Variants in PTPN11 observed in about 807,000 individuals in gnomAD.
PTPN11 encodes the protein protein tyrosine phosphatase non-receptor type 11.
Under a neutral mutation model 78.8 loss-of-function variants are expected in PTPN11, and 6 were observed. The ratio of observed to expected loss-of-function variants is 0.08; its 90% CI spans 0.04 to 0.15. The LOEUF is 0.15. PTPN11 is among the 10% of genes least tolerant of loss of function. The probability of loss-of-function intolerance (pLI) is 1.00; values close to 1 mark genes in which losing one functional copy is unlikely to be tolerated. For missense variants in PTPN11, 386 were observed against 744.8 expected, an observed-to-expected ratio of 0.52 and a Z score of 5.61; for synonymous variants, 221 against 263.5, an observed-to-expected ratio of 0.84 and a Z score of 1.56.
chr12:112,478,966 T>G (rs778474450), intron 9 of PTPN11, among the ~76,000 whole-genome samples: 12 of 152,178 alleles, frequency 7.9e-5, no homozygotes, highest in Non-Finnish European at 1.6e-4. Context: ...ACCCCTGAGC[T>G]TAGGTGATCC....
At chr12:112,420,705 C>T (rs1237208737) in intron 1 of PTPN11, among the ~76,000 whole-genome samples, 1 of 152,114 alleles carries the variant, frequency 6.6e-6, no homozygotes, top group Non-Finnish European at 1.5e-5. Context: ...GTTATTCATA[C>T]ATGGATCTGG....
Position 112,509,418 on chromosome 12 carries a change from A to G in PTPN11, c.*3626A>G, listed in dbSNP as rs1029897483. On this transcript the variant is annotated 3_prime_UTR_variant, in exon 16 of 16. Coordinates refer to ENST00000351677, the MANE Select transcript of PTPN11 (RefSeq NM_002834.5). ...TAATTAATAATTTGCCTGTTTATTT[A>G]TGACCTAATTGTGATTCTTTTATTA... 4 of 152,618 alleles carry G rather than the reference A, an allele frequency of 2.6e-5. No individual in the cohort carries two copies. Among genetic ancestry groups the G allele is most frequent in the Non-Finnish European group, 5.9e-5 (4 of 68,036 alleles). 9.5% of individuals were successfully genotyped at this position (152,618 alleles called of 1,614,324 possible).
intron 6 of PTPN11, among the ~76,000 whole-genome samples, chr12:112,462,036 A>G (rs1195398971): frequency 3.3e-5 from 5 of 152,214 alleles, no homozygotes; most frequent in Non-Finnish European, 7.3e-5. Flanking sequence ...GCGCTTTTCA[A>G]AAAAATCCTT....
chr12:112,429,729 G>A (rs1172185051), intron 1 of PTPN11, among the ~76,000 whole-genome samples: 4 of 150,940 alleles, frequency 2.7e-5, no homozygotes, highest in East Asian at 2.0e-4. Flanking sequence ...GCTTGAACCC[G>A]GGAGTGGAGG....
chr12:112,446,714 T>TTATTTAAAAA (rs1244691050), intron 2 of PTPN11, among the ~76,000 whole-genome samples: 2 of 152,186 alleles, frequency 1.3e-5, no homozygotes, highest in Admixed American at 6.6e-5. Context: ...TCCTGTTGAT[T>TTATTTAAAAA]TATTTAAAAA....
At chr12:112,419,363 C>T (rs981900409) in intron 1 of PTPN11, among the ~76,000 whole-genome samples, 1 of 152,178 alleles carries the variant, frequency 6.6e-6, no homozygotes, top group African/African-American at 2.4e-5. Context: ...TGCGGCAGCC[C>T]CGGGGATGCC....
At chr12:112,437,337 T>G (rs1205767047) in intron 1 of PTPN11, among the ~76,000 whole-genome samples, 1 of 151,828 alleles carries the variant, frequency 6.6e-6, no homozygotes, top group African/African-American at 2.4e-5. Flanking sequence ...TTTGTATTTT[T>G]TTTTTAGTAC....
intron 1 of PTPN11, among the ~76,000 whole-genome samples, chr12:112,445,513 C>T (rs1446017801): frequency 6.6e-6 from 1 of 152,198 alleles, no homozygotes; most frequent in African/African-American, 2.4e-5. Flanking sequence ...ACTAATACCT[C>T]CAATTACAAT....
At chr12:112,455,906 T>G in intron 5 of PTPN11, 44 bp from the exon 6 acceptor site, 1 of 1,108,678 alleles carries the variant, frequency 9.0e-7, no homozygotes, top group Non-Finnish European at 1.4e-6. Flanking sequence ...CACCGTTTTC[T>G]GTAATATTTT....
rs1012060794 is a variant in PTPN11 at position 112,482,514 on chromosome 12, C to T, written c.1224+309C>T. On this transcript the variant is annotated intron_variant, in intron 10 of 15. Transcript: ENST00000351677. This position sits in a 1 kb window ranked among gnomAD's most constrained non-coding sequence, Gnocchi z 4.4. ...CTTTGGGAGGCTGAGGTGGGTGGAT[C>T]GCTTGAGCCGGGGAGTTCGAGACCA... is the stretch of plus-strand genomic sequence containing the variant. Among the ~76,000 whole-genome samples the T allele has an allele frequency of 6.6e-6, 1 of 152,076 alleles. No homozygotes were observed. Among genetic ancestry groups the T allele is most frequent in the African/African-American group, 2.4e-5 (1 of 41,402 alleles).
intron 1 of PTPN11, among the ~76,000 whole-genome samples, chr12:112,438,118 T>C (rs192106250): frequency 1.3e-5 from 2 of 152,282 alleles, no homozygotes; most frequent in Admixed American, 1.3e-4. Flanking sequence ...ATTTTAGGCC[T>C]GCCACTAGCT....
chr12:112,500,314 T>C (rs1450783844), intron 13 of PTPN11, among the ~76,000 whole-genome samples: 2 of 152,234 alleles, frequency 1.3e-5, no homozygotes, highest in Admixed American at 6.5e-5. Context: ...TTGAATTATA[T>C]TGTATCTTTC....
At chr12:112,496,350 T>A (rs571482806) in intron 13 of PTPN11, among the ~76,000 whole-genome samples, 9 of 152,252 alleles carry the variant, frequency 5.9e-5, no homozygotes, top group African/African-American at 2.2e-4. Flanking sequence ...CCTAGAATCA[T>A]CCATTTTTCT....
chr12:112,480,426 G>A (rs2038578751), intron 9 of PTPN11, among the ~76,000 whole-genome samples: 1 of 150,680 alleles, frequency 6.6e-6, no homozygotes, highest in Non-Finnish European at 1.5e-5. Flanking sequence ...CAGTGCAGTG[G>A]CACTATCTTG....
intron 9 of PTPN11, among the ~76,000 whole-genome samples, chr12:112,479,397 G>A (rs967165053): frequency 6.6e-6 from 1 of 152,180 alleles, no homozygotes; most frequent in Non-Finnish European, 1.5e-5. Context: ...AAGGCAGATG[G>A]AGAACTTTGG....
intron 2 of PTPN11, among the ~76,000 whole-genome samples, chr12:112,449,370 C>T (rs905053681): frequency 9.9e-5 from 15 of 151,502 alleles, no homozygotes; most frequent in South Asian, 2.1e-4. Context: ...AGCTGGGCGT[C>T]GTGGCGGGCG....
intron 11 of PTPN11, among the ~76,000 whole-genome samples, chr12:112,488,073 T>A (rs2038702190): frequency 6.6e-6 from 1 of 152,138 alleles, no homozygotes; most frequent in Non-Finnish European, 1.5e-5. Flanking sequence ...TGAGAGCCAC[T>A]GCGCCCGGCC....
chr12:112,482,216 TGTC>T lies in PTPN11; in HGVS notation c.1224+14_1224+16del. 3 of 1,611,832 alleles carry T rather than the reference TGTC, an allele frequency of 1.9e-6. No homozygotes were observed. Among genetic ancestry groups the T allele is most frequent in the Non-Finnish European group, 1.7e-6 (2 of 1,178,352 alleles). On this transcript the variant is annotated intron_variant, in intron 10 of 15. Coordinates refer to ENST00000351677, the MANE Select transcript of PTPN11 (RefSeq NM_002834.5). The surrounding 1 kb of genome is among the most constrained non-coding windows in gnomAD (Gnocchi z 4.4). Reference sequence around the variant, plus strand: ...TCAAAGGTTGGACAAGTAAGTATATTGTCGTATTCTAGAGACTTTGGGAACTGT... The same window carrying T: ...TCAAAGGTTGGACAAGTAAGTATATTGTATTCTAGAGACTTTGGGAACTGT...
At chr12:112,464,013 A>G (rs377522184) in intron 6 of PTPN11, among the ~76,000 whole-genome samples, 46 of 152,356 alleles carry the variant, frequency 3.0e-4, no homozygotes, top group African/African-American at 1.1e-3. Context: ...TTGATCCACA[A>G]TAGCAAAGCA....
Sources: allele counts gnomAD v4.1 joint callset (sites outside exome capture counted in the v4.1 genomes callset), GRCh38; gene constraint gnomAD v4.1.1; non-coding constraint Gnocchi (gnomAD v3.1); transcripts MANE v1.5; gene names NCBI Gene and HGNC (gene_info 2026-07-23, HGNC 2026-07-21).